The following PTBP3 variants were observed in gnomAD, a reference collection of about 807,000 sequenced individuals.
PTBP3 encodes polypyrimidine tract-binding protein 3.
PTBP3 carries 20 observed loss-of-function variants against 58.7 expected under a neutral mutation model. The ratio of observed to expected loss-of-function variants is 0.34; its 90% CI spans 0.24 to 0.50. The LOEUF is 0.50. Among genes scored for constraint, PTBP3 ranks in the 20% least tolerant of loss-of-function variants. The pLI, the probability that PTBP3 is intolerant of heterozygous loss-of-function variation, is 0.98. For synonymous variants in PTBP3, 185 were observed against 219.8 expected (o/e 0.84, Z 1.40); for missense variants, 509 against 637.2 (o/e 0.80, Z 2.17).
In PTBP3 at chr9:112,222,405, A is replaced by C. The variant is rs1834838227; in HGVS notation, c.*1446T>G. 1 of 985,704 alleles carries C rather than the reference A, an allele frequency of 1.0e-6. No individual in the cohort carries two copies. The highest frequency in any genetic ancestry group is 1.2e-6 in the Non-Finnish European group (1 of 829,918). 61.1% of individuals were successfully genotyped at this position (985,704 alleles called of 1,614,324 possible). ...ACTCAGTAATGAAAGTCACATTAAC[A>C]AAGAAAAGCAAGTTCTCGCTTGAGG... On this transcript the variant is annotated 3_prime_UTR_variant, in exon 14 of 14. Transcript: ENST00000374257.
the PTBP3 span, among the ~76,000 whole-genome samples, chr9:112,377,737 T>C: frequency 6.6e-6 from 1 of 152,208 alleles, no homozygotes; most frequent in Non-Finnish European, 1.5e-5. Context: ...TGAGTGAGAC[T>C]TACCTGACTT....
At chr9:112,329,010 C>A (rs1427962926) in intron 1 of PTBP3, among the ~76,000 whole-genome samples, 1 of 152,210 alleles carries the variant, frequency 6.6e-6, no homozygotes, top group African/African-American at 2.4e-5. Flanking sequence ...GAACTAGATT[C>A]TCAACTCAGC....
chr9:112,250,866 C>T, intron 7 of PTBP3, 63 bp downstream of exon 7: 1 of 1,402,672 alleles, frequency 7.1e-7, no homozygotes, highest in Non-Finnish European at 9.4e-7. Context: ...ACATACATGG[C>T]TTAATAAATG....
chr9:112,286,981 AT>A (rs1828148596), intron 2 of PTBP3, among the ~76,000 whole-genome samples: 1 of 151,906 alleles, frequency 6.6e-6, no homozygotes, highest in South Asian at 2.1e-4. Flanking sequence ...CCTCATTCTA[AT>A]CTTTATTCTT....
chr9:112,254,592 A>C (rs1187999938), intron 5 of PTBP3, among the ~76,000 whole-genome samples: 1 of 152,242 alleles, frequency 6.6e-6, no homozygotes, highest in African/African-American at 2.4e-5. Flanking sequence ...TTCTCCAAAG[A>C]AGCTAATCAA....
At position 112,231,281 on chromosome 9, in the gene PTBP3, T is replaced by C. The variant is rs551773529; in HGVS notation, c.1054+99A>G. On this transcript the variant is annotated intron_variant, in intron 10 of 13. Coordinates refer to ENST00000374257, the MANE Select transcript of PTBP3 (RefSeq NM_001163788.4). ...TGTTTTATCCTCAGTGTCAGCACAA[T>C]ACTTGGCACACAGAAGTAATCAATA... The C allele has an allele frequency of 3.3e-4, 308 of 933,508 alleles. 2 individuals are homozygous for C. In the South Asian group the frequency reaches 5.5e-3, roughly 17 times the overall value. The allele number at this position is 933,508 out of a possible 1,614,324, so 57.8% of individuals were successfully genotyped here.
chr9:112,231,644 C>G (rs1835204529), intron 9 of PTBP3, among the ~76,000 whole-genome samples: 1 of 151,980 alleles, frequency 6.6e-6, no homozygotes, highest in Non-Finnish European at 1.5e-5. Context: ...TGGCTCACAC[C>G]TGTAATCCCA....
chr9:112,262,509 G>A lies in PTBP3; in HGVS notation c.442C>T (p.Pro148Ser), dbSNP rs1267376671. Residue 148 changes from proline (P) to serine (S), a missense_variant, in exon 5 of 14, where the codon CCT becomes TCT. Physicochemically the swap from Pro to Ser is moderately conservative, Grantham distance 74 (BLOSUM62 -1). Transcript: ENST00000374257. Reference sequence around the variant, plus strand: ...ATTCGAAGCACAGGGCTCTGCCCAGGTAGGACTGTGCCTTCATTGGAAGGA... The same window carrying A: ...ATTCGAAGCACAGGGCTCTGCCCAGATAGGACTGTGCCTTCATTGGAAGGA... ...GGPSNEGTVL[P>S]GQSPVLRIII... 1.2e-6 allele frequency: 2 copies of A among 1,611,810 alleles called. No individual in the cohort carries two copies. The highest frequency in any genetic ancestry group is 2.7e-5 in the African/African-American group (2 of 74,802).
At chr9:112,302,850 A>C (rs140983872) in intron 1 of PTBP3, among the ~76,000 whole-genome samples, 2 of 152,184 alleles carry the variant, frequency 1.3e-5, no homozygotes, top group African/African-American at 4.8e-5. Flanking sequence ...TCTGCCTCCT[A>C]AAGTTCTGGG....
intron 2 of PTBP3, among the ~76,000 whole-genome samples, chr9:112,288,569 G>A (rs1244898015): frequency 6.6e-6 from 1 of 151,804 alleles, no homozygotes; most frequent in Admixed American, 6.6e-5. Context: ...TACCTCAATT[G>A]TTTCCCTTCT....
intron 2 of PTBP3, among the ~76,000 whole-genome samples, chr9:112,293,966 G>A (rs761929011): frequency 2.0e-5 from 3 of 152,038 alleles, no homozygotes; most frequent in Non-Finnish European, 2.9e-5. Context: ...TCTGTATTAC[G>A]GTTCTATTAG....
chr9:112,258,578 T>C (rs1243181444), intron 5 of PTBP3, among the ~76,000 whole-genome samples: 2 of 152,194 alleles, frequency 1.3e-5, no homozygotes, highest in Non-Finnish European at 2.9e-5. Flanking sequence ...ATTATTACTA[T>C]TATTTACTTA....
intron 7 of PTBP3, among the ~76,000 whole-genome samples, chr9:112,249,665 T>A (rs2132068777): frequency 6.6e-6 from 1 of 152,270 alleles, no homozygotes; most frequent in East Asian, 1.9e-4. Flanking sequence ...CATTCTGATA[T>A]TTTATATTCA....
intron 2 of PTBP3, among the ~76,000 whole-genome samples, chr9:112,283,770 AG>A (rs1189877295): frequency 6.6e-6 from 1 of 152,224 alleles, no homozygotes; most frequent in African/African-American, 2.4e-5. Context: ...TGGAGGCCTA[AG>A]AGAAAACAAC....
At chr9:112,336,619 AT>A (rs1830579844), upstream of PTBP3, among the ~76,000 whole-genome samples, 1 of 151,932 alleles carries the variant, frequency 6.6e-6, no homozygotes, top group Non-Finnish European at 1.5e-5. Context: ...CTGTCTCTAT[AT>A]TTTTATAAAA....
rs879626117 is a variant in PTBP3, at chr9:112,231,954, GA to G, written c.1020+144del. 3.5e-3 allele frequency: 1,324 copies of G among 378,670 alleles called. 2 individuals are homozygous for G. Among genetic ancestry groups the G allele is most frequent in the Non-Finnish European group, 4.2e-3 (969 of 229,662 alleles). The allele number at this position is 378,670 out of a possible 1,614,324, so 23.5% of individuals were successfully genotyped here. ...GAAGAGAAGAGAAGAGAAGAGAAGA[GA>G]AGAGAAGAGAAGAGAGAAGAGAAGA... On this transcript the variant is annotated intron_variant, in intron 9 of 13. Transcript: ENST00000374257.
At chr9:112,370,034 T>G in the PTBP3 span, among the ~76,000 whole-genome samples, 13 of 152,334 alleles carry the variant, frequency 8.5e-5, no homozygotes, top group East Asian at 2.5e-3. Flanking sequence ...CTGCCATGAT[T>G]GAGAGGCCTC....
At chr9:112,344,469 T>G in the PTBP3 span, among the ~76,000 whole-genome samples, 1 of 152,176 alleles carries the variant, frequency 6.6e-6, no homozygotes, top group African/African-American at 2.4e-5. Flanking sequence ...ATTCCTTCCC[T>G]TTTCTGCCAT....
intron 1 of PTBP3, among the ~76,000 whole-genome samples, chr9:112,304,515 C>G (rs1829082684): frequency 6.6e-6 from 1 of 152,182 alleles, no homozygotes; most frequent in Non-Finnish European, 1.5e-5. Context: ...ATGCTCCGCT[C>G]TATTATCCTT....
Sources: gnomAD v4.1 joint callset for allele counts (sites outside exome capture counted in the v4.1 genomes callset) on GRCh38, gnomAD v4.1.1 for gene constraint, MANE v1.5 for transcripts, NCBI Gene and HGNC (gene_info 2026-07-23, HGNC 2026-07-21) for gene names.